Variants in RBFOX1 observed in about 807,000 individuals in gnomAD.
RBFOX1 encodes RNA binding protein fox-1 homolog 1.
A neutral mutation model predicts 57.7 loss-of-function variants in RBFOX1; 8 were observed. The ratio of observed to expected loss-of-function variants is 0.14; its 90% CI spans 0.08 to 0.25. The LOEUF (loss-of-function observed/expected upper bound fraction) is 0.25, where lower values mean the gene tolerates loss of function less well. Ranked by LOEUF, RBFOX1 falls within the 10% of genes least tolerant of loss-of-function variation. RBFOX1 has a pLI of 1.00. For missense variants in RBFOX1, 611 were observed against 548.5 expected (o/e 1.11, Z -1.14); for synonymous variants, 326 against 222.4 (o/e 1.47, Z -4.15).
intron 4 of RBFOX1, among the ~76,000 whole-genome samples, chr16:7,190,719 TCTC>T (rs140026711): frequency 0.16 from 25,058 of 152,110 alleles, 2,197 homozygotes; most frequent in East Asian, 0.37. Context: ...TCCACTGTGT[TCTC>T]CTGGCCTTGC....
rs184569109 is a variant in RBFOX1, at chr16:5,540,542, C to A, written c.259-58360C>A. On this transcript the variant is annotated intron_variant, in intron 2 of 2. Transcript: ENST00000585867. The stretch of plus-strand genomic sequence containing the variant: ...ATTTGAAAGAGTTGGTTTAGTATAA[C>A]CCCGGGAAATCCACAGTAACGGATC... Among the ~76,000 whole-genome samples, 443 of 152,246 alleles carry A rather than the reference C, an allele frequency of 2.9e-3. 5 individuals are homozygous for A. Among genetic ancestry groups the A allele is most frequent in the African/African-American group, 1.0e-2 (414 of 41,556 alleles).
intron 3 of RBFOX1, among the ~76,000 whole-genome samples, chr16:6,975,887 G>C (rs769656267): frequency 6.6e-6 from 1 of 152,148 alleles, no homozygotes; most frequent in Non-Finnish European, 1.5e-5. Flanking sequence ...AGCACTTTGG[G>C]AGGCTGAGGT....
chr16:6,570,030 C>G (rs970225139), intron 2 of RBFOX1, among the ~76,000 whole-genome samples: 1 of 152,176 alleles, frequency 6.6e-6, no homozygotes, highest in East Asian at 1.9e-4. Context: ...AGAGGACGAC[C>G]TTCAGTATTG....
At chr16:5,465,801 G>A (rs2151606963) in intron 1 of RBFOX1, among the ~76,000 whole-genome samples, 1 of 152,352 alleles carries the variant, frequency 6.6e-6, no homozygotes, top group South Asian at 2.1e-4. Flanking sequence ...TGAGGAATTT[G>A]AGACTCAGCA....
At chr16:7,430,165 C>A (rs1377295152) in intron 4 of RBFOX1, among the ~76,000 whole-genome samples, 1 of 152,346 alleles carries the variant, frequency 6.6e-6, no homozygotes, top group East Asian at 1.9e-4. Flanking sequence ...TAATCTAGCA[C>A]ATTTAAATAT....
intron 6 of RBFOX1, among the ~76,000 whole-genome samples, chr16:7,581,998 A>G (rs1034974): frequency 0.85 from 128,310 of 151,206 alleles, 55,208 homozygotes; most frequent in Middle Eastern, 0.94. Context: ...ATTACAGCAT[A>G]AGATGTGAGC....
intron 3 of RBFOX1, among the ~76,000 whole-genome samples, chr16:5,636,880 G>C (rs2048700295): frequency 6.6e-6 from 1 of 152,106 alleles, no homozygotes. Flanking sequence ...AATCATTTTT[G>C]CAAATCAGAG....
chr16:5,939,989 G>C (rs1396355310), intron 4 of RBFOX1, among the ~76,000 whole-genome samples: 1 of 152,192 alleles, frequency 6.6e-6, no homozygotes, highest in Non-Finnish European at 1.5e-5. Flanking sequence ...CTGAGCTTCA[G>C]ATTTCTTATT....
intron 5 of RBFOX1, among the ~76,000 whole-genome samples, chr16:7,566,154 T>C (rs1455942260): frequency 6.6e-6 from 1 of 152,164 alleles, no homozygotes; most frequent in African/African-American, 2.4e-5. Context: ...GATAGAGTGT[T>C]TATCCATAGG....
intron 1 of RBFOX1, among the ~76,000 whole-genome samples, chr16:6,246,543 A>G (rs1241834634): frequency 6.6e-6 from 1 of 152,158 alleles, no homozygotes; most frequent in Non-Finnish European, 1.5e-5. Flanking sequence ...TGTTACTATG[A>G]TTGGCAGCTC....
At chr16:6,049,307 A>T (rs983468416) in intron 1 of RBFOX1, among the ~76,000 whole-genome samples, 2 of 139,458 alleles carry the variant, frequency 1.4e-5, no homozygotes, top group Non-Finnish European at 3.1e-5. Context: ...CGGGTGATCC[A>T]CCCACCTCAG....
At chr16:5,760,886 T>C (rs1410715753) in intron 3 of RBFOX1, among the ~76,000 whole-genome samples, 1 of 152,136 alleles carries the variant, frequency 6.6e-6, no homozygotes, top group Non-Finnish European at 1.5e-5. Context: ...TTTGGGGTGA[T>C]GAAAATATTT....
chr16:6,532,490 T>C (rs994097020), intron 2 of RBFOX1, among the ~76,000 whole-genome samples: 1 of 152,162 alleles, frequency 6.6e-6, no homozygotes, highest in African/African-American at 2.4e-5. Flanking sequence ...TAAGGCGATG[T>C]TTATTAAACA....
chr16:7,436,123 G>C (rs1250100638), intron 4 of RBFOX1, among the ~76,000 whole-genome samples: 1 of 152,106 alleles, frequency 6.6e-6, no homozygotes, highest in Admixed American at 6.5e-5. Flanking sequence ...CCTTTTTGGA[G>C]GACAGATTGG....
chr16:7,048,771 T>A (rs1348180660), intron 3 of RBFOX1, among the ~76,000 whole-genome samples: 1 of 152,202 alleles, frequency 6.6e-6, no homozygotes, highest in East Asian at 1.9e-4. Context: ...GTTCCTAGTA[T>A]GCTAAGTCAT....
intron 3 of RBFOX1, among the ~76,000 whole-genome samples, chr16:5,720,819 T>C (rs2098075): frequency 0.2 from 29,996 of 152,182 alleles, 4,646 homozygotes; most frequent in African/African-American, 0.42. Context: ...TACCATACTA[T>C]CTTCATCACT....
At chr16:5,288,360 C>A (rs953990039) in intron 1 of RBFOX1, among the ~76,000 whole-genome samples, 28 of 152,172 alleles carry the variant, frequency 1.8e-4, no homozygotes, top group Non-Finnish European at 7.3e-5. Context: ...GTTGGGGGCA[C>A]TCACTTGTTA....
chr16:5,604,705 G>A (rs2047503533), downstream of RBFOX1, among the ~76,000 whole-genome samples: 1 of 152,140 alleles, frequency 6.6e-6, no homozygotes, highest in Admixed American at 6.5e-5. Flanking sequence ...CCCGAGATGA[G>A]TCTGGATTTC....
At chr16:7,431,106 A>C (rs1295143874) in intron 4 of RBFOX1, 1 of 152,192 alleles carries the variant, frequency 6.6e-6, no homozygotes, top group African/African-American at 2.4e-5. Context: ...CCTCAAACCC[A>C]AACTGACTAA....
Sources: gnomAD v4.1 joint callset for allele counts (sites outside exome capture counted in the v4.1 genomes callset) on GRCh38, gnomAD v4.1.1 for gene constraint, MANE v1.5 for transcripts, NCBI Gene and HGNC (gene_info 2026-07-23, HGNC 2026-07-21) for gene names.